Variants in CES2 observed in about 807,000 individuals in gnomAD.
The protein encoded by CES2 is carboxylesterase 2, also known as cocaine esterase.
In CES2, 42 loss-of-function variants were observed where a neutral mutation model predicts 52.1. That is an observed-to-expected ratio of 0.81 (90% CI 0.63 to 1.04). The LOEUF (loss-of-function observed/expected upper bound fraction) is 1.04. Ranked by LOEUF, CES2 falls within the 50% of genes least tolerant of loss-of-function variation. The pLI is 0.00. For synonymous variants in CES2, 277 were observed against 289.6 expected (o/e 0.96, Z 0.44); for missense variants, 656 against 724.3 (o/e 0.91, Z 1.08).
At chr16:66,935,759 A>C (rs1159519546) in intron 1 of CES2, 48 bp downstream of exon 1, 2 of 1,598,154 alleles carry the variant, frequency 1.3e-6, no homozygotes, top group African/African-American at 2.7e-5. Context: ...AGATCTGCCA[A>C]ATGCTGCGGA....
upstream of CES2, chr16:66,935,223 G>A (rs1963169249): frequency 2.1e-6 from 1 of 478,824 alleles, no homozygotes; most frequent in African/African-American, 1.9e-5. Flanking sequence ...CATCCTCAGA[G>A]AAGCCCTCCT....
At position 66,943,753 on chromosome 16, in the gene CES2, C is replaced by A; in HGVS notation, c.1494-86C>A. On this transcript the variant is annotated intron_variant, in intron 11 of 11. Coordinates refer to ENST00000317091, the MANE Select transcript of CES2 (RefSeq NM_001365405.1). The surrounding 1 kb of genome is among the most constrained non-coding windows in gnomAD (Gnocchi z 4.2). ...CCACCTGGCCTGCTTGGCTGCCTTGCCTGACCAGACTCAGGGTGCTCAGGT... is the reference window on the plus strand; with the variant it reads ...CCACCTGGCCTGCTTGGCTGCCTTGACTGACCAGACTCAGGGTGCTCAGGT... 8.4e-7 allele frequency: 1 copy of A among 1,189,944 alleles called. No individual in the cohort carries two copies. Among genetic ancestry groups the A allele is most frequent in the Non-Finnish European group, 1.2e-6 (1 of 847,570 alleles). 73.7% of individuals were successfully genotyped at this position (1,189,944 alleles called of 1,614,324 possible).
In CES2 at chr16:66,940,477, G is replaced by A. The variant is rs759686749; in HGVS notation, c.598G>A (p.Asp200Asn). 1.2e-5 allele frequency: 20 copies of A among 1,614,220 alleles called. No homozygotes were observed. Among genetic ancestry groups the A allele is most frequent in the Non-Finnish European group, 1.6e-5 (19 of 1,180,032 alleles). The change falls in exon 5 of 12, where the codon GAC becomes AAC. Residue 200 changes from aspartate to asparagine, a missense_variant. Asp to Asn is a conservative substitution (Grantham distance 23). Coordinates refer to ENST00000317091, the MANE Select transcript of CES2 (RefSeq NM_001365405.1). ...CGCAACCGGCAACTGGGGCTACCTG[G>A]ACCAAGTGGCTGCACTACGCTGGGT... ...KHATGNWGYL[D>N]QVAALRWVQQ...
In CES2 at chr16:66,943,504, G is replaced by A. The variant is rs1160129899; in HGVS notation, c.1493+133G>A. 1.1e-5 allele frequency: 10 copies of A among 922,796 alleles called. No individual in the cohort carries two copies. Among genetic ancestry groups the A allele is most frequent in the Admixed American group, 4.2e-5 (2 of 47,506 alleles). The allele number at this position is 922,796 out of a possible 1,614,324, so 57.2% of individuals were successfully genotyped here. On this transcript the variant is annotated intron_variant, in intron 11 of 11. Coordinates refer to ENST00000317091, the MANE Select transcript of CES2 (RefSeq NM_001365405.1). The surrounding 1 kb of genome is among the most constrained non-coding windows in gnomAD (Gnocchi z 4.2). ...CATGATGGCCCCTTCCCCAGCTCCG[G>A]GACCCACTCAGACAGGGTGGGGGTG... is the stretch of plus-strand genomic sequence containing the variant.
rs772290367 is a variant in CES2 at position 66,939,206 on chromosome 16, C to G, written c.282-11C>G. On this transcript the variant is annotated splice_polypyrimidine_tract_variant and intron_variant, in intron 2 of 11. Coordinates refer to ENST00000317091, the MANE Select transcript of CES2 (RefSeq NM_001365405.1). ...CTGGCCCCTGGACTGATTATTTGCC[C>G]TGGTTACCAGGTGTCTACAGGACCT... The G allele has an allele frequency of 6.2e-7, 1 of 1,612,242 alleles. No homozygotes were observed. The highest frequency in any genetic ancestry group is 1.1e-5 in the South Asian group (1 of 91,008).
Position 66,943,908 on chromosome 16 carries a change from C to A in CES2, c.1563C>A (p.Asn521Lys). ...FDQEEQYLQL[N>K]LQPAVGRALK... Reference sequence around the variant, plus strand: ...AGGAGGAGCAATACCTGCAGCTGAACCTACAGCCTGCGGTGGGCCGGGCTC... The same window carrying A: ...AGGAGGAGCAATACCTGCAGCTGAAACTACAGCCTGCGGTGGGCCGGGCTC... Residue 521 changes from asparagine to lysine, a missense_variant, in exon 12 of 12, where the codon AAC becomes AAA. Physicochemically the swap from Asn to Lys is moderately conservative, Grantham distance 94 (BLOSUM62 0). Transcript: ENST00000317091. The surrounding 1 kb of genome is among the most constrained non-coding windows in gnomAD (Gnocchi z 4.2). 1 of 1,610,564 alleles carries A rather than the reference C, an allele frequency of 6.2e-7. No homozygotes were observed. Among genetic ancestry groups the A allele is most frequent in the Non-Finnish European group, 8.5e-7 (1 of 1,177,474 alleles).
chr16:66,942,851 T>A, intron 10 of CES2, 66 bp downstream of exon 10: 1 of 1,608,996 alleles, frequency 6.2e-7, no homozygotes, highest in Non-Finnish European at 8.5e-7. Flanking sequence ...CGATGATTGA[T>A]TGTCCTCACT....
chr16:66,941,414 G>C, intron 6 of CES2, 92 bp from the exon 7 acceptor site: 1 of 1,553,980 alleles, frequency 6.4e-7, no homozygotes, highest in Non-Finnish European at 8.8e-7. Flanking sequence ...TGAGCATCCA[G>C]GGATAAACTG....
chr16:66,938,073 C>G lies in CES2; in HGVS notation c.113C>G (p.Thr38Arg), dbSNP rs373640750. 4 of 1,614,214 alleles carry G rather than the reference C, an allele frequency of 2.5e-6. No individual in the cohort carries two copies. The highest frequency in any genetic ancestry group is 3.4e-6 in the Non-Finnish European group (4 of 1,180,036). Residue 38 changes from threonine (T) to arginine (R), a missense_variant, in exon 2 of 12, where the codon ACG (threonine) becomes AGG (arginine). Coordinates refer to ENST00000317091, the MANE Select transcript of CES2 (RefSeq NM_001365405.1). ...GCCAGTCCCATCCGGACCACACACA[C>G]GGGGCAGGTGCTGGGGAGTCTTGTC... ...DSASPIRTTH[T>R]GQVLGSLVHV...
chr16:66,938,273 G>A (rs778992426), intron 2 of CES2, 32 bp downstream of exon 2: 35 of 1,513,476 alleles, frequency 2.3e-5, no homozygotes, highest in Middle Eastern at 1.7e-4. Context: ...GGGAACTCCA[G>A]GCCCTGGGGC....
At chr16:66,941,980 G>A in intron 8 of CES2, 125 bp from the exon 9 acceptor site, 1 of 1,516,238 alleles carries the variant, frequency 6.6e-7, no homozygotes. Flanking sequence ...GTGTGTTTAG[G>A]GGTGGGGTCA....
chr16:66,941,332 A>T, intron 6 of CES2, 110 bp downstream of exon 6: 6 of 1,532,176 alleles, frequency 3.9e-6, no homozygotes, highest in Non-Finnish European at 5.3e-6. Flanking sequence ...TGCATGCCTG[A>T]GTGTCATAGC....
In CES2 at chr16:66,935,717, G is replaced by A. The variant is rs1346035033; in HGVS notation, c.76+6G>A. 6.3e-7 allele frequency: 1 copy of A among 1,599,666 alleles called. No individual in the cohort carries two copies. ...GCTTCTTGTCCGGGGCCAGGGTGAGGCTCCCTCGGAGGGGCGACAGGGACC... is the reference window on the plus strand; with the variant it reads ...GCTTCTTGTCCGGGGCCAGGGTGAGACTCCCTCGGAGGGGCGACAGGGACC... On this transcript the variant is annotated splice_donor_region_variant and intron_variant, in intron 1 of 11. Coordinates refer to ENST00000317091, the MANE Select transcript of CES2 (RefSeq NM_001365405.1).
rs762472447 is a variant in CES2, at chr16:66,935,712, G to A, written c.76+1G>A. On this transcript the variant is annotated splice_donor_variant, in intron 1 of 11. Transcript: ENST00000317091. LOFTEE classifies it high-confidence loss of function. The stretch of plus-strand genomic sequence containing the variant: ...CTGCTGCTTCTTGTCCGGGGCCAGG[G>A]TGAGGCTCCCTCGGAGGGGCGACAG... 2.5e-5 allele frequency: 40 copies of A among 1,599,904 alleles called. No individual in the cohort carries two copies. In the South Asian group the frequency reaches 2.5e-4, roughly 10 times the overall value.
rs1963371424 is a variant in CES2 at position 66,941,773 on chromosome 16, G to T, written c.1062G>T (p.Met354Ile). The change falls in exon 8 of 12, where the codon ATG (methionine) becomes ATT (isoleucine). Residue 354 changes from methionine (M) to isoleucine (I), a missense_variant. Coordinates refer to ENST00000317091, the MANE Select transcript of CES2 (RefSeq NM_001365405.1). ...ACTCTCTCCTGGCCATCCAGGTCATGAGGATCTATGATACCCAGAAGGAAA... is the reference window on the plus strand; with the variant it reads ...ACTCTCTCCTGGCCATCCAGGTCATTAGGATCTATGATACCCAGAAGGAAA... ...NEFGWLIPKVMRIYDTQKEMD... is the reference protein window; with the variant it reads ...NEFGWLIPKVIRIYDTQKEMD... The T allele has an allele frequency of 3.1e-6, 5 of 1,614,158 alleles. No homozygotes were observed. Among genetic ancestry groups the T allele is most frequent in the Non-Finnish European group, 4.2e-6 (5 of 1,180,010 alleles).
chr16:66,939,397 A>C, intron 3 of CES2, 39 bp downstream of exon 3: 1 of 1,609,634 alleles, frequency 6.2e-7, no homozygotes, highest in Non-Finnish European at 8.5e-7. Flanking sequence ...GTTGGAGGAC[A>C]GTTCTTCTGC....
intron 5 of CES2, 72 bp downstream of exon 5, chr16:66,940,767 A>C: frequency 6.5e-7 from 1 of 1,542,326 alleles, no homozygotes; most frequent in East Asian, 2.3e-5. Flanking sequence ...CTGTCTGTTA[A>C]ACGGGGATGA....
chr16:66,941,566 C>T lies in CES2; in HGVS notation c.976C>T (p.Leu326=), dbSNP rs1360247689. The T allele has an allele frequency of 1.2e-6, 2 of 1,614,190 alleles. No individual in the cohort carries two copies. Among genetic ancestry groups the T allele is most frequent in the African/African-American group, 2.7e-5 (2 of 75,052 alleles). Residue 326 remains leucine (L), a synonymous_variant, in exon 7 of 12, where the codon CTG becomes TTG. Coordinates refer to ENST00000317091, the MANE Select transcript of CES2 (RefSeq NM_001365405.1). ...CTTCCTGCCCAGGCACCCCCAGGAG[C>T]TGCTGGCCTCTGCCGACTTTCAGCC... is the stretch of plus-strand genomic sequence containing the variant. ...GVFLPRHPQE[L]LASADFQPVP...
intron 2 of CES2, 60 bp from the exon 3 acceptor site, chr16:66,939,157 C>G (rs1963291538): frequency 6.5e-7 from 1 of 1,535,728 alleles, no homozygotes; most frequent in African/African-American, 1.4e-5. Flanking sequence ...ACCTCTGAAC[C>G]CAGGGTCTGG....
Sources: gnomAD v4.1 joint callset for allele counts on GRCh38, gnomAD v4.1.1 for gene constraint, Gnocchi (gnomAD v3.1) non-coding constraint, MANE v1.5 for transcripts, NCBI Gene and HGNC (gene_info 2026-07-23, HGNC 2026-07-21) for gene names.